Variants in CRPPA observed in about 807,000 individuals in gnomAD.
CRPPA encodes CDP-L-ribitol pyrophosphorylase A.
A neutral mutation model predicts 52.0 loss-of-function variants in CRPPA; 43 were observed. The ratio of observed to expected loss-of-function variants is 0.83; its 90% confidence interval spans 0.65 to 1.07. CRPPA has a LOEUF of 1.07. CRPPA is among the 50% of genes least tolerant of loss of function. The pLI, the probability that CRPPA is intolerant of heterozygous loss-of-function variation, is 0.00. For synonymous variants in CRPPA, 250 were observed against 203.5 expected, an observed-to-expected ratio of 1.23 and a Z score of -1.94; for missense variants, 629 against 551.7, an observed-to-expected ratio of 1.14 and a Z score of -1.40.
chr7:16,415,851 G>A (rs531974300), intron 1 of CRPPA, among the ~76,000 whole-genome samples: 3 of 152,270 alleles, frequency 2.0e-5, no homozygotes, highest in East Asian at 1.9e-4. Context: ...TTAACTAGAG[G>A]CAAGACTAGC....
At chr7:16,392,328 T>G (rs1787466785) in intron 2 of CRPPA, among the ~76,000 whole-genome samples, 1 of 152,152 alleles carries the variant, frequency 6.6e-6, no homozygotes, top group Admixed American at 6.6e-5. Context: ...AATGGCAGAA[T>G]ATTATATCAT....
intron 9 of CRPPA, among the ~76,000 whole-genome samples, chr7:16,141,863 G>T (rs1416214581): frequency 1.3e-5 from 2 of 152,104 alleles, no homozygotes; most frequent in African/African-American, 4.8e-5. Context: ...TGCTCCTTGG[G>T]TCAGACTGTC....
Position 16,421,083 on chromosome 7 carries a change from G to A in CRPPA, c.240C>T (p.Thr80=), listed in dbSNP as rs1281024369. ...PILERPLISY[T]LQALERVCWI... Reference sequence around the variant, plus strand: ...CGCATTACCTCTCCAGGGCCTGTAGGGTGTAGCTGATGAGCGGCCTCTCCA... The same window carrying A: ...CGCATTACCTCTCCAGGGCCTGTAGAGTGTAGCTGATGAGCGGCCTCTCCA... Residue 80 remains threonine (T), a synonymous_variant, in exon 1 of 10, where the codon ACC becomes ACT. Transcript: ENST00000407010. The A allele has an allele frequency of 3.1e-6, 4 of 1,294,396 alleles. No individual in the cohort carries two copies. The Middle Eastern group carries it at 6.0e-4, about 194-fold the overall frequency. The allele number at this position is 1,294,396 out of a possible 1,614,324, so 80.2% of individuals were successfully genotyped here.
intron 9 of CRPPA, among the ~76,000 whole-genome samples, chr7:16,196,744 C>T (rs1583421902): frequency 1.3e-5 from 2 of 152,064 alleles, no homozygotes; most frequent in East Asian, 3.9e-4. Context: ...GGTGAGAAGG[C>T]CTATTTCTAT....
intron 3 of CRPPA, among the ~76,000 whole-genome samples, chr7:16,330,498 A>C (rs376790579): frequency 6.6e-6 from 1 of 152,210 alleles, no homozygotes; most frequent in Non-Finnish European, 1.5e-5. Context: ...GAATCACAAC[A>C]TAATGAAAGC....
chr7:16,097,359 T>C (rs1781956911), intron 9 of CRPPA, among the ~76,000 whole-genome samples: 1 of 152,254 alleles, frequency 6.6e-6, no homozygotes, highest in Non-Finnish European at 1.5e-5. Context: ...CGCAATATAA[T>C]ATATGCATTT....
At chr7:16,182,094 G>A (rs547431415) in intron 9 of CRPPA, among the ~76,000 whole-genome samples, 19 of 151,950 alleles carry the variant, frequency 1.3e-4, no homozygotes, top group Non-Finnish European at 2.1e-4. Context: ...TATGTAATAC[G>A]TAGTCTGCAT....
intron 3 of CRPPA, among the ~76,000 whole-genome samples, chr7:16,309,620 T>A (rs535033931): frequency 1.6e-4 from 25 of 152,274 alleles, no homozygotes; most frequent in East Asian, 1.2e-3. Context: ...TTCTTCTTTT[T>A]TTTTTGAGAC....
At chr7:16,265,181 G>A (rs543973570) in intron 6 of CRPPA, among the ~76,000 whole-genome samples, 2 of 152,276 alleles carry the variant, frequency 1.3e-5, no homozygotes, top group East Asian at 3.9e-4. Context: ...TGAATGGTAA[G>A]CTGGTGGATC....
intron 9 of CRPPA, among the ~76,000 whole-genome samples, chr7:16,121,164 T>A (rs1027545044): frequency 6.6e-6 from 1 of 151,988 alleles, no homozygotes; most frequent in Non-Finnish European, 1.5e-5. Context: ...ATCTAGAGAG[T>A]CCGACCACTT....
At position 16,310,965 on chromosome 7, in the gene CRPPA, T is replaced by C. The variant is rs1048147995; in HGVS notation, c.685-2338A>G. ...TTGAGGGCAGAATATGAACTTTTCC[T>C]CACATTCAAAGTATCAAAAGAATTT... On this transcript the variant is annotated intron_variant, in intron 3 of 9. Transcript: ENST00000407010. 1.1e-4 allele frequency among the ~76,000 whole-genome samples: 17 copies of C among 152,168 alleles called. 1 individual carries two copies.
rs147194105 is a variant in CRPPA at position 16,334,259 on chromosome 7, C to T, written c.685-25632G>A. On this transcript the variant is annotated intron_variant, in intron 3 of 9. Transcript: ENST00000407010. ...AGGTCAAGAAGCAACTACAGGTCAGCGATTATGTGCACAGGGGGCACTTGG... is the reference window on the plus strand; with the variant it reads ...AGGTCAAGAAGCAACTACAGGTCAGTGATTATGTGCACAGGGGGCACTTGG... 3.5e-3 allele frequency among the ~76,000 whole-genome samples: 534 copies of T among 152,164 alleles called. 4 individuals carry two copies. The highest frequency in any genetic ancestry group is 0.012 in the African/African-American group (506 of 41,518).
chr7:16,416,848 A>C (rs553891774), intron 1 of CRPPA, among the ~76,000 whole-genome samples: 1 of 152,276 alleles, frequency 6.6e-6, no homozygotes, highest in South Asian at 2.1e-4. Context: ...TCTCCAAAAA[A>C]ACAATAGAGC....
chr7:16,134,891 A>C (rs1275556451), intron 9 of CRPPA, among the ~76,000 whole-genome samples: 1 of 152,228 alleles, frequency 6.6e-6, no homozygotes, highest in Non-Finnish European at 1.5e-5. Flanking sequence ...AAAAGACTTA[A>C]GTGAATACTA....
At chr7:16,330,841 G>A (rs541463226) in intron 3 of CRPPA, among the ~76,000 whole-genome samples, 2 of 152,224 alleles carry the variant, frequency 1.3e-5, no homozygotes, top group East Asian at 3.9e-4. Flanking sequence ...GGTTTTATCA[G>A]AACATAATGA....
At chr7:16,270,317 G>A (rs910780085) in intron 6 of CRPPA, 3 of 151,958 alleles carry the variant, frequency 2.0e-5, no homozygotes, top group Admixed American at 2.0e-4. Flanking sequence ...ACAGGTTCCT[G>A]TATTTCAAGA....
intron 9 of CRPPA, among the ~76,000 whole-genome samples, chr7:16,158,995 G>C (rs1783244883): frequency 6.6e-6 from 1 of 152,176 alleles, no homozygotes; most frequent in African/African-American, 2.4e-5. Context: ...AAACCGAACT[G>C]ATTTCCATAA....
chr7:16,187,080 T>C (rs1036846378), intron 9 of CRPPA, among the ~76,000 whole-genome samples: 9 of 152,194 alleles, frequency 5.9e-5, no homozygotes, highest in Non-Finnish European at 8.8e-5. Context: ...AAAAGTCTCA[T>C]GTATGCTTCA....
chr7:16,103,906 T>C (rs781355973), intron 9 of CRPPA, among the ~76,000 whole-genome samples: 5 of 152,152 alleles, frequency 3.3e-5, no homozygotes, highest in African/African-American at 1.2e-4. Context: ...TTTGTTCACA[T>C]AACATTTAGT....
Sources: gnomAD v4.1 joint callset for allele counts (sites outside exome capture counted in the v4.1 genomes callset) on GRCh38, gnomAD v4.1.1 for gene constraint, MANE v1.5 for transcripts, NCBI Gene and HGNC (gene_info 2026-07-23, HGNC 2026-07-21) for gene names.